Variants in RAD51B observed in about 807,000 individuals in gnomAD.
The protein encoded by RAD51B is RAD51 paralog B.
RAD51B carries 38 observed loss-of-function variants against 42.2 expected under a neutral mutation model. The ratio of observed to expected loss-of-function variants is 0.90; its 90% CI spans 0.70 to 1.18. RAD51B has a LOEUF of 1.18. RAD51B is among the 50% of genes most tolerant of loss of function. The pLI is 0.00. For synonymous variants in RAD51B, 154 were observed against 145.2 expected (o/e 1.06, Z -0.43); for missense variants, 373 against 400.7 (o/e 0.93, Z 0.59).
intron 7 of RAD51B, among the ~76,000 whole-genome samples, chr14:68,237,336 G>A (rs2080281109): frequency 3.3e-5 from 5 of 152,194 alleles, no homozygotes; most frequent in Admixed American, 2.6e-4. Flanking sequence ...AGATAGCCCA[G>A]AGCCAGTTTT....
intron 9 of RAD51B, among the ~76,000 whole-genome samples, chr14:68,466,261 G>C (rs113017959): frequency 6.6e-6 from 1 of 152,326 alleles, no homozygotes; most frequent in Non-Finnish European, 1.5e-5. Flanking sequence ...GGGTTAGTTG[G>C]AAATGTTCCT....
intron 7 of RAD51B, among the ~76,000 whole-genome samples, chr14:67,992,273 G>C (rs1595219816): frequency 2.0e-5 from 3 of 152,160 alleles, no homozygotes; most frequent in African/African-American, 4.8e-5. Flanking sequence ...CAACCCTTTG[G>C]AAGGAAGGTT....
At chr14:68,640,119 G>A (rs1892426382) in intron 10 of RAD51B, among the ~76,000 whole-genome samples, 1 of 152,100 alleles carries the variant, frequency 6.6e-6, no homozygotes, top group East Asian at 1.9e-4. Context: ...TAAGGCTTTG[G>A]GAAGCAGCCA....
intron 10 of RAD51B, among the ~76,000 whole-genome samples, chr14:68,585,782 C>T (rs1460017082): frequency 3.9e-5 from 6 of 152,146 alleles, no homozygotes; most frequent in African/African-American, 1.2e-4. Flanking sequence ...CGTGGGCAGA[C>T]GCCTGGCTGG....
At chr14:68,442,794 A>G (rs1017665383) in intron 9 of RAD51B, among the ~76,000 whole-genome samples, 48 of 151,768 alleles carry the variant, frequency 3.2e-4, no homozygotes, top group African/African-American at 1.1e-3. Flanking sequence ...TGATATTATT[A>G]TTATTATTAT....
At chr14:68,621,054 T>C (rs548925595) in intron 10 of RAD51B, among the ~76,000 whole-genome samples, 2 of 152,356 alleles carry the variant, frequency 1.3e-5, no homozygotes, top group East Asian at 3.8e-4. Context: ...TCCTTGGCAA[T>C]CCCTGCCTAA....
intron 7 of RAD51B, among the ~76,000 whole-genome samples, chr14:68,203,454 T>C (rs886541438): frequency 1.3e-5 from 2 of 152,212 alleles, no homozygotes; most frequent in African/African-American, 4.8e-5. Context: ...CCATCCAGAC[T>C]TTGTCGTTCC....
chr14:67,937,135 G>A (rs772608677), intron 7 of RAD51B, among the ~76,000 whole-genome samples: 1 of 152,084 alleles, frequency 6.6e-6, no homozygotes, highest in Admixed American at 6.6e-5. Context: ...TTTGCAGTAG[G>A]GTGCCATGAA....
chr14:68,681,075 AG>A (rs1275393892), intron 11 of RAD51B, among the ~76,000 whole-genome samples: 2 of 152,154 alleles, frequency 1.3e-5, no homozygotes, highest in Admixed American at 6.5e-5. Context: ...ATCAGGATGC[AG>A]GGTTTTTATT....
chr14:67,947,276 GT>G (rs2045428295), intron 7 of RAD51B, among the ~76,000 whole-genome samples: 1 of 152,194 alleles, frequency 6.6e-6, no homozygotes, highest in Admixed American at 6.5e-5. Flanking sequence ...TTAGCTTCTT[GT>G]TTAGAGAAGC....
intron 7 of RAD51B, among the ~76,000 whole-genome samples, chr14:68,158,854 G>A (rs190191627): frequency 1.1e-3 from 175 of 152,290 alleles, no homozygotes; most frequent in African/African-American, 4.1e-3. Flanking sequence ...GGTGCTGGGA[G>A]AATGAAAGAT....
chr14:68,438,870 T>A (rs1477183383), intron 9 of RAD51B, among the ~76,000 whole-genome samples: 5 of 151,940 alleles, frequency 3.3e-5, no homozygotes, highest in Non-Finnish European at 7.4e-5. Flanking sequence ...TCCAGGGGAG[T>A]GGCATCAGTA....
rs79253117 is a variant in RAD51B at position 68,490,552 on chromosome 14, T to A, written c.1036+22302T>A. ...TGCCCCATTTCTCAACATCAACTAT[T>A]ACTGCATTTAAATGCTAACTCTTCT... On this transcript the variant is annotated intron_variant, in intron 10 of 10. Transcript: ENST00000487270. 2.3e-3 allele frequency among the ~76,000 whole-genome samples: 344 copies of A among 152,352 alleles called. 2 individuals carry two copies. Among genetic ancestry groups the A allele is most frequent in the African/African-American group, 7.9e-3 (328 of 41,578 alleles).
rs2043822261 is a variant in RAD51B at position 67,907,679 on chromosome 14, G to GA, written c.756+20476dup. On this transcript the variant is annotated intron_variant, in intron 7 of 10. Transcript: ENST00000471583. ...GCATCACTTCTGCTGTACTCTATTA[G>GA]ACAAGACTGTTAAAAATCTCCTCCT... Among the ~76,000 whole-genome samples, 5 of 152,158 alleles carry GA rather than the reference G, an allele frequency of 3.3e-5. No individual in the cohort carries two copies. The South Asian group carries it at 1.0e-3, about 32-fold the overall frequency.
chr14:68,223,243 G>A (rs1305097740), intron 7 of RAD51B, among the ~76,000 whole-genome samples: 1 of 152,124 alleles, frequency 6.6e-6, no homozygotes, highest in Non-Finnish European at 1.5e-5. Flanking sequence ...TTCTGGTTTA[G>A]GATCTCCTCC....
intron 10 of RAD51B, among the ~76,000 whole-genome samples, chr14:68,630,037 A>G (rs558571791): frequency 6.6e-6 from 1 of 152,356 alleles, no homozygotes; most frequent in East Asian, 1.9e-4. Flanking sequence ...CACTTCTCAC[A>G]AAATTCTTAT....
chr14:68,551,562 T>C (rs1308558092), intron 10 of RAD51B, among the ~76,000 whole-genome samples: 2 of 152,354 alleles, frequency 1.3e-5, no homozygotes, highest in African/African-American at 4.8e-5. Flanking sequence ...AGTCATATTC[T>C]TAAATCTGAC....
intron 10 of RAD51B, among the ~76,000 whole-genome samples, chr14:68,518,266 T>G (rs1886299605): frequency 6.6e-6 from 1 of 152,220 alleles, no homozygotes; most frequent in Non-Finnish European, 1.5e-5. Flanking sequence ...CAGCTAGGCT[T>G]ACACATCCTC....
At chr14:68,000,845 A>C (rs1488688542) in intron 7 of RAD51B, among the ~76,000 whole-genome samples, 1 of 152,164 alleles carries the variant, frequency 6.6e-6, no homozygotes, top group African/African-American at 2.4e-5. Flanking sequence ...GTCTCTGAGA[A>C]CCATTATTTG....
Sources: gnomAD v4.1 joint callset for allele counts (sites outside exome capture counted in the v4.1 genomes callset) on GRCh38, gnomAD v4.1.1 for gene constraint, MANE v1.5 for transcripts, NCBI Gene and HGNC (gene_info 2026-07-23, HGNC 2026-07-21) for gene names.